The following PLEC variants were observed in gnomAD, a reference collection of about 807,000 sequenced individuals.
The protein encoded by PLEC is plectin.
A neutral mutation model predicts 392.8 loss-of-function variants in PLEC; 216 were observed. That is an observed-to-expected ratio of 0.55 (90% CI 0.49 to 0.62). The LOEUF is 0.62. Ranked by LOEUF, PLEC falls within the 20% of genes least tolerant of loss-of-function variation. The pLI is 0.00. For synonymous variants in PLEC, 3,621 were observed against 2,980.6 expected (o/e 1.21, Z -7.00); for missense variants, 6,863 against 6,563.4 (o/e 1.05, Z -1.58).
rs868928012 is a variant in PLEC at position 143,923,379 on chromosome 8, C to A, written c.6550G>T (p.Val2184Leu). Reference sequence around the variant, plus strand: ...CGCAGTGTTGTCAGCTCCTGCTCCACCTGCGCCTTCTGCCGCAGCGTCTGC... The same window carrying A: ...CGCAGTGTTGTCAGCTCCTGCTCCAACTGCGCCTTCTGCCGCAGCGTCTGC... ...AEQTLRQKAQ[V>L]EQELTTLRLQ... is the part of the protein sequence containing the mutation. The change falls in exon 31 of 32, where the codon GTG (valine) becomes TTG (leucine). Residue 2184 changes from valine (V) to leucine (L), a missense_variant. By Grantham distance (32) the Val-to-Leu change is conservative. Coordinates refer to ENST00000345136, the MANE Select transcript of PLEC (RefSeq NM_201384.3). 1.2e-6 allele frequency: 2 copies of A among 1,610,578 alleles called. No individual in the cohort carries two copies. Among genetic ancestry groups the A allele is most frequent in the South Asian group, 2.2e-5 (2 of 90,876 alleles).
chr8:143,934,252 G>A (rs1828311955), intron 11 of PLEC, 66 bp downstream of exon 11: 4 of 1,604,534 alleles, frequency 2.5e-6, no homozygotes, highest in Non-Finnish European at 3.4e-6. Flanking sequence ...GCGGGGAGGG[G>A]GGTTTCCTTC....
At position 143,919,614 on chromosome 8, in the gene PLEC, G is replaced by C; in HGVS notation, c.10207C>G (p.Arg3403Gly). 6.3e-7 allele frequency: 1 copy of C among 1,586,000 alleles called. No homozygotes were observed. Among genetic ancestry groups the C allele is most frequent in the South Asian group, 1.1e-5 (1 of 88,590 alleles). Reference sequence around the variant, plus strand: ...TCGTGGACATACAGGCGCTGGTTCCGCACGGGGTCCACCAGGAAGCCAGTG... The same window carrying C: ...TCGTGGACATACAGGCGCTGGTTCCCCACGGGGTCCACCAGGAAGCCAGTG... The part of the protein sequence containing the change: ...AATGFLVDPV[R>G]NQRLYVHEAV... The change falls in exon 32 of 32, where the codon CGG becomes GGG. Residue 3403 changes from arginine to glycine, a missense_variant. Coordinates refer to ENST00000345136, the MANE Select transcript of PLEC (RefSeq NM_201384.3).
upstream of PLEC, among the ~76,000 whole-genome samples, chr8:143,951,250 G>A (rs1156354204): frequency 6.6e-6 from 1 of 152,204 alleles, no homozygotes; most frequent in Non-Finnish European, 1.5e-5. Context: ...CGGCAGGGAT[G>A]TGGGCTCTGG....
rs782469232 is a variant in PLEC, at chr8:143,920,193, G to C, written c.9628C>G (p.Leu3210Val). Residue 3210 changes from leucine to valine, a missense_variant, in exon 32 of 32, where the codon CTG becomes GTG. By Grantham distance (32) the Leu-to-Val change is conservative. Coordinates refer to ENST00000345136, the MANE Select transcript of PLEC (RefSeq NM_201384.3). Reference protein sequence around the residue: ...RPDQLTGLSLLPLSEKAARAR... With the variant: ...RPDQLTGLSLVPLSEKAARAR... ...CGAGCAGCCTTTTCTGAGAGCGGCA[G>C]CAGGCTCAGCCCGGTCAGCTGGTCG... 1 of 1,610,770 alleles carries C rather than the reference G, an allele frequency of 6.2e-7. No homozygotes were observed. Among genetic ancestry groups the C allele is most frequent in the South Asian group, 1.1e-5 (1 of 91,044 alleles).
intron 1 of PLEC, among the ~76,000 whole-genome samples, chr8:143,945,486 C>T (rs2132593599): frequency 6.6e-6 from 1 of 152,338 alleles, no homozygotes; most frequent in African/African-American, 2.4e-5. Context: ...AGTCCTGCTC[C>T]TCTTCCTGGG....
In PLEC at chr8:143,934,074, C is replaced by A. The variant is rs893559839; in HGVS notation, c.1187G>T (p.Arg396Leu). 6.2e-7 allele frequency: 1 copy of A among 1,611,558 alleles called. No homozygotes were observed. The highest frequency in any genetic ancestry group is 1.7e-5 in the Admixed American group (1 of 59,938). Residue 396 changes from arginine (R) to leucine (L), a missense_variant, in exon 12 of 32, where the codon CGC becomes CTC. Coordinates refer to ENST00000345136, the MANE Select transcript of PLEC (RefSeq NM_201384.3). The stretch of plus-strand genomic sequence containing the variant: ...CTCCATCTGCAGCTTGGTCACGATG[C>A]GCTGAAGACACTCCAGCCTGCAGCA... ...SEFERLECLQ[R>L]IVTKLQMEAG...
At chr8:143,944,079 T>C, upstream of PLEC, 2 of 771,684 alleles carry the variant, frequency 2.6e-6, no homozygotes, top group South Asian at 3.8e-5. Context: ...CCTCTCCTCC[T>C]CCCTCCGCGG....
intron 1 of PLEC, among the ~76,000 whole-genome samples, chr8:143,948,920 T>A (rs73377230): frequency 0.08 from 12,251 of 152,268 alleles, 1,631 homozygotes; most frequent in African/African-American, 0.28. Flanking sequence ...CTGGACTACA[T>A]GCCTGGCCAA....
rs372942259 is a variant in PLEC at position 143,929,821 on chromosome 8, G to T, written c.2748C>A (p.Thr916=). Residue 916 remains threonine, a synonymous_variant, in exon 23 of 32, where the codon ACC becomes ACA. Coordinates refer to ENST00000345136, the MANE Select transcript of PLEC (RefSeq NM_201384.3). ...CTTGGCGCTGCTCCTCTGGCTTCAG[G>T]GTGCGGAACTGGGGGAAGCACGTGG... ...IRSWSLATFR[T]LKPEEQRQAL... 1 of 1,599,020 alleles carries T rather than the reference G, an allele frequency of 6.3e-7. No individual in the cohort carries two copies. The highest frequency in any genetic ancestry group is 2.2e-5 in the East Asian group (1 of 44,762).
intron 1 of PLEC, among the ~76,000 whole-genome samples, chr8:143,971,317 C>A (rs1253774653): frequency 1.3e-5 from 2 of 152,124 alleles, no homozygotes; most frequent in African/African-American, 4.8e-5. Context: ...ACAGGCCTGG[C>A]CTCCCTGCCC....
At chr8:143,944,089 G>C (rs1554730795), upstream of PLEC, 1 of 720,700 alleles carries the variant, frequency 1.4e-6, no homozygotes. Context: ...TCCCTCCGCG[G>C]GTCCGGCCCT....
intron 1 of PLEC, among the ~76,000 whole-genome samples, chr8:143,946,999 C>A (rs7464572): frequency 6.6e-6 from 1 of 151,936 alleles, no homozygotes; most frequent in African/African-American, 2.4e-5. Context: ...GCTTGCTGAC[C>A]AGTGAAGTGC....
Position 143,920,956 on chromosome 8 carries a change from G to A in PLEC, c.8865C>T (p.Ile2955=), listed in dbSNP as rs1554683544. 1 of 1,613,072 alleles carries A rather than the reference G, an allele frequency of 6.2e-7. No individual in the cohort carries two copies. Among genetic ancestry groups the A allele is most frequent in the Admixed American group, 1.7e-5 (1 of 60,036 alleles). Residue 2955 remains isoleucine (I), a synonymous_variant, in exon 32 of 32, where the codon ATC becomes ATT. Coordinates refer to ENST00000345136, the MANE Select transcript of PLEC (RefSeq NM_201384.3). ...FRTGRITVEK[I]IKIIITVVEE... ...CCACCACCGTGATGATGATCTTGAT[G>A]ATCTTCTCCACTGTGATCCGGCCCG...
At chr8:143,939,656 G>T, upstream of PLEC, 1 of 1,418,306 alleles carries the variant, frequency 7.1e-7, no homozygotes, top group South Asian at 1.5e-5. Context: ...CCGCCCCCGA[G>T]GCCCCACCCT....
chr8:143,926,488 C>T (rs767865175), intron 30 of PLEC, among the ~76,000 whole-genome samples: 13 of 152,350 alleles, frequency 8.5e-5, no homozygotes, highest in South Asian at 6.2e-4. Flanking sequence ...CAACGCAGAA[C>T]GCCAAGGAAG....
chr8:143,922,173 C>T lies in PLEC; in HGVS notation c.7648G>A (p.Ala2550Thr), dbSNP rs1483792650. 7 of 1,542,494 alleles carry T rather than the reference C, an allele frequency of 4.5e-6. No homozygotes were observed. Among genetic ancestry groups the T allele is most frequent in the South Asian group, 1.2e-5 (1 of 85,154 alleles). ...QMEQERQRLV[A>T]SMEEARRRQH... ...CGCCGCCGCGCCTCCTCCATGCTGG[C>T]CACCAGCCGCTGCCGTTCCTGCTCC... Residue 2550 changes from alanine (A) to threonine (T), a missense_variant, in exon 32 of 32, where the codon GCC becomes ACC. Coordinates refer to ENST00000345136, the MANE Select transcript of PLEC (RefSeq NM_201384.3).
At chr8:143,933,840 G>A (rs1828123301) in intron 12 of PLEC, among the ~76,000 whole-genome samples, 158 bp downstream of exon 12, 1 of 152,212 alleles carries the variant, frequency 6.6e-6, no homozygotes, top group Admixed American at 6.5e-5. Context: ...CGAGGAGGGA[G>A]GAGCTCAGGC....
chr8:143,948,094 G>A (rs1831709343), intron 1 of PLEC, among the ~76,000 whole-genome samples: 1 of 152,252 alleles, frequency 6.6e-6, no homozygotes, highest in African/African-American at 2.4e-5. Flanking sequence ...TGGACGGATG[G>A]CTTCCCACAC....
intron 12 of PLEC, 28 bp downstream of exon 12, chr8:143,933,966 TCCCG>T: frequency 6.7e-7 from 1 of 1,495,116 alleles, no homozygotes; most frequent in Non-Finnish European, 9.1e-7. Context: ...CCGGCCTCCC[TCCCG>T]CCCACTGCCT....
Sources: gnomAD v4.1 joint callset for allele counts (sites outside exome capture counted in the v4.1 genomes callset) on GRCh38, gnomAD v4.1.1 for gene constraint, MANE v1.5 for transcripts, NCBI Gene and HGNC (gene_info 2026-07-23, HGNC 2026-07-21) for gene names.